The following PCDH11X variants were observed in gnomAD, a reference collection of about 807,000 sequenced individuals.
PCDH11X encodes the protein protocadherin 11 X-linked, also known as protocadherin-11 X-linked.
PCDH11X carries 18 observed loss-of-function variants against 53.3 expected under a neutral mutation model. That is an observed-to-expected ratio of 0.34 (90% CI 0.23 to 0.50). The LOEUF is 0.50. Among genes scored for constraint, PCDH11X ranks in the 20% least tolerant of loss-of-function variants. The pLI is 0.98. For synonymous variants in PCDH11X, 279 were observed against 393.3 expected, an observed-to-expected ratio of 0.71 and a Z score of 3.44; for missense variants, 570 against 1,032.4, an observed-to-expected ratio of 0.55 and a Z score of 6.14.
At chrX:92,205,647 C>T (rs1488548623) in intron 7 of PCDH11X, among the ~76,000 whole-genome samples, 1 of 98,172 alleles carries the variant, frequency 1.0e-5, no homozygotes, top group African/African-American at 3.8e-5. Context: ...GTCGCCCAGG[C>T]TAGAGTGCAA....
At chrX:91,781,898 C>CT (rs1238656590) in intron 1 of PCDH11X, among the ~76,000 whole-genome samples, 1 of 112,630 alleles carries the variant, frequency 8.9e-6, no homozygotes, top group African/African-American at 3.2e-5. Flanking sequence ...GCGACAGTTC[C>CT]CAAAAGCTGA....
At chrX:92,559,834 G>A (rs1000947989) in intron 10 of PCDH11X, among the ~76,000 whole-genome samples, 22 of 110,753 alleles carry the variant, frequency 2.0e-4, no homozygotes, top group Non-Finnish European at 3.6e-4. Flanking sequence ...ATCACAAACC[G>A]AATTGCTCGG....
chrX:91,968,488 C>T (rs2061898754), intron 6 of PCDH11X, among the ~76,000 whole-genome samples: 1 of 111,329 alleles, frequency 9.0e-6, no homozygotes, highest in Non-Finnish European at 1.9e-5. Context: ...CACCACAAAT[C>T]TCAGGTTCCT....
chrX:92,196,715 T>C (rs973759127), intron 6 of PCDH11X, among the ~76,000 whole-genome samples: 1 of 111,360 alleles, frequency 9.0e-6, no homozygotes, highest in Admixed American at 9.7e-5. Context: ...GGGTCATTTC[T>C]GAATGGGAAT....
chrX:91,966,812 A>T (rs1240844049), intron 6 of PCDH11X, among the ~76,000 whole-genome samples: 2 of 111,133 alleles, frequency 1.8e-5, no homozygotes, highest in Non-Finnish European at 3.8e-5. Flanking sequence ...TTATTTTATT[A>T]TTTTTAAATT....
At chrX:92,412,546 T>TAG (rs2071708987) in intron 9 of PCDH11X, among the ~76,000 whole-genome samples, 1 of 64,211 alleles carries the variant, frequency 1.6e-5, no homozygotes, top group Non-Finnish European at 2.9e-5. Context: ...TATATATATA[T>TAG]ATATATATAG....
intron 6 of PCDH11X, among the ~76,000 whole-genome samples, chrX:92,123,272 C>T (rs986743119): frequency 9.0e-6 from 1 of 111,507 alleles, no homozygotes; most frequent in Non-Finnish European, 1.9e-5. Context: ...CTTATTACTA[C>T]TTGGTTCATC....
rs1404675841 is a variant in PCDH11X at position 92,230,829 on chromosome X, G to C, written c.3114+29374G>C. On this transcript the variant is annotated intron_variant, in intron 7 of 10. Transcript: ENST00000682573. ...TCTGCTACTGTCAGCAAATATTCCA[G>C]AGAATCCATTTGCTGAAGGGAATTT... Among the ~76,000 whole-genome samples, 4 of 109,287 alleles carry C rather than the reference G, an allele frequency of 3.7e-5. No individual in the cohort carries two copies. In the East Asian group the frequency reaches 1.2e-3, roughly 32 times the overall value. 94.9% of individuals were successfully genotyped at this position (109,287 alleles called of 115,157 possible). A position where few individuals can be genotyped will look rare whatever the true frequency, so the allele number is the denominator to read the frequency against.
chrX:92,146,001 A>G (rs945836679), intron 6 of PCDH11X, among the ~76,000 whole-genome samples: 14 of 105,191 alleles, frequency 1.3e-4, no homozygotes, highest in Non-Finnish European at 1.6e-4. Context: ...CCTCTGGCCT[A>G]TTGTCTTGCA....
intron 10 of PCDH11X, among the ~76,000 whole-genome samples, chrX:92,516,861 A>G (rs757131744): frequency 8.9e-6 from 1 of 112,630 alleles, no homozygotes; most frequent in African/African-American, 3.2e-5. Flanking sequence ...TCTTTCTAAC[A>G]TTTGGCATCT....
At chrX:92,469,452 A>G (rs2073217782) in intron 10 of PCDH11X, among the ~76,000 whole-genome samples, 1 of 111,383 alleles carries the variant, frequency 9.0e-6, no homozygotes, top group South Asian at 3.7e-4. Flanking sequence ...CTGTTGGGTA[A>G]TGCTCAAAGA....
At chrX:92,075,474 T>C (rs1285000782) in intron 6 of PCDH11X, among the ~76,000 whole-genome samples, 1 of 110,932 alleles carries the variant, frequency 9.0e-6, no homozygotes, top group Admixed American at 9.6e-5. Flanking sequence ...AAATACCTAG[T>C]ATGGGATTTT....
chrX:92,260,216 GAC>G (rs1437160586), intron 7 of PCDH11X, among the ~76,000 whole-genome samples: 2 of 111,480 alleles, frequency 1.8e-5, no homozygotes, highest in African/African-American at 3.3e-5. Flanking sequence ...TTTACTTGAA[GAC>G]ACAGAGTGCT....
At position 92,598,177 on chromosome X, in the gene PCDH11X, G is replaced by A. The variant is rs543036652; in HGVS notation, c.3368-20087G>A. ...AAGAACAGGCAACGAAAGCAAAAAT[G>A]TACAAATGGAATCATATCCAGTTAA... On this transcript the variant is annotated intron_variant, in intron 10 of 10. Transcript: ENST00000682573. Among the ~76,000 whole-genome samples, 5 of 111,091 alleles carry A rather than the reference G, an allele frequency of 4.5e-5. No homozygotes were observed. The South Asian group carries it at 1.9e-3, about 42-fold the overall frequency.
chrX:92,608,767 G>A (rs986281837), intron 10 of PCDH11X, among the ~76,000 whole-genome samples: 9 of 110,450 alleles, frequency 8.1e-5, no homozygotes, highest in Admixed American at 1.9e-4. Context: ...TTATATTTAC[G>A]TACAATAAAA....
rs529212982 is a variant in PCDH11X, at chrX:92,296,945, T to G, written c.3144+33802T>G. On this transcript the variant is annotated intron_variant, in intron 8 of 10. Transcript: ENST00000682573. ...TTTTAATAATAGACATTCTGACTAGTGTGAGATGGTATCTTATTGTTGTTT... is the reference window on the plus strand; with the variant it reads ...TTTTAATAATAGACATTCTGACTAGGGTGAGATGGTATCTTATTGTTGTTT... Among the ~76,000 whole-genome samples, 9 of 75,495 alleles carry G rather than the reference T, an allele frequency of 1.2e-4. No individual in the cohort carries two copies. In the South Asian group the frequency reaches 7.5e-3, roughly 63 times the overall value. The allele number at this position is 75,495 out of a possible 115,157, so 65.6% of individuals were successfully genotyped here. A position where few individuals can be genotyped will look rare whatever the true frequency, so the allele number is the denominator to read the frequency against.
intron 10 of PCDH11X, among the ~76,000 whole-genome samples, chrX:92,492,043 A>G (rs992536559): frequency 9.0e-6 from 1 of 111,697 alleles, no homozygotes; most frequent in African/African-American, 3.2e-5. Context: ...GCAAATATGC[A>G]CTAATCGGAA....
At chrX:92,585,199 G>A (rs1173851257) in intron 10 of PCDH11X, among the ~76,000 whole-genome samples, 1 of 109,751 alleles carries the variant, frequency 9.1e-6, no homozygotes, top group Non-Finnish European at 1.9e-5. Context: ...CAAGAGGATG[G>A]TTTAGCATTC....
chrX:92,262,248 C>T (rs371618417), intron 7 of PCDH11X, among the ~76,000 whole-genome samples: 1 of 111,023 alleles, frequency 9.0e-6, no homozygotes, highest in South Asian at 3.8e-4. Context: ...TTCTGTGATT[C>T]TTTGTATTCA....
Sources: gnomAD v4.1 joint callset for allele counts (sites outside exome capture counted in the v4.1 genomes callset) on GRCh38, gnomAD v4.1.1 for gene constraint, MANE v1.5 for transcripts, NCBI Gene and HGNC (gene_info 2026-07-23, HGNC 2026-07-21) for gene names.